NEGR1: variants seen among roughly 807,000 people sequenced by gnomAD.
The protein encoded by NEGR1 is IgLON family member 4.
A neutral mutation model predicts 40.9 loss-of-function variants in NEGR1; 10 were observed. That is an observed-to-expected ratio of 0.24 (90% CI 0.15 to 0.42). The LOEUF (loss-of-function observed/expected upper bound fraction) is 0.42. NEGR1 is among the 10% of genes least tolerant of loss of function. The pLI, the probability that NEGR1 is intolerant of heterozygous loss-of-function variation, is 1.00. For missense variants in NEGR1, 352 were observed against 438.9 expected, an observed-to-expected ratio of 0.80 and a Z score of 1.77; for synonymous variants, 185 against 166.8, an observed-to-expected ratio of 1.11 and a Z score of -0.84.
chr1:71,444,480 A>G (rs1646567876), intron 6 of NEGR1, among the ~76,000 whole-genome samples: 1 of 152,176 alleles, frequency 6.6e-6, no homozygotes, highest in Non-Finnish European at 1.5e-5. Flanking sequence ...ATGTCATGTC[A>G]ATATCCCATG....
chr1:71,942,009 T>G (rs1645963579), intron 1 of NEGR1, among the ~76,000 whole-genome samples: 1 of 151,678 alleles, frequency 6.6e-6, no homozygotes, highest in Non-Finnish European at 1.5e-5. Flanking sequence ...CAAAGTAATA[T>G]CAATAAAACA....
At chr1:71,674,981 T>G (rs1401862702) in intron 4 of NEGR1, among the ~76,000 whole-genome samples, 1 of 151,202 alleles carries the variant, frequency 6.6e-6, no homozygotes, top group Non-Finnish European at 1.5e-5. Context: ...CTTGTAACAT[T>G]CCAACACTGA....
chr1:72,070,007 T>C (rs1008621657), intron 1 of NEGR1, among the ~76,000 whole-genome samples: 1 of 152,134 alleles, frequency 6.6e-6, no homozygotes, highest in Non-Finnish European at 1.5e-5. Flanking sequence ...TTCTTAGTGA[T>C]GTGATGATTT....
At position 71,848,793 on chromosome 1, in the gene NEGR1, A is replaced by G. The variant is rs77450293; in HGVS notation, c.410-72496T>C. Among the ~76,000 whole-genome samples the G allele has an allele frequency of 1.0e-3, 158 of 152,270 alleles. 5 individuals are homozygous for G. In the East Asian group the frequency reaches 0.029, roughly 28 times the overall value. On this transcript the variant is annotated intron_variant, in intron 2 of 6. Coordinates refer to ENST00000357731, the MANE Select transcript of NEGR1 (RefSeq NM_173808.3). ...CAACTTTCAAGACTTACTATTTAAG[A>G]AATATATTTCATGGCCAGGTGCAGT...
chr1:71,783,203 T>G (rs926739794), intron 2 of NEGR1, among the ~76,000 whole-genome samples: 2 of 152,130 alleles, frequency 1.3e-5, no homozygotes, highest in Non-Finnish European at 2.9e-5. Flanking sequence ...TTGGCTTTTT[T>G]GCACTCCCAT....
At chr1:72,006,929 T>A (rs974682613) in intron 1 of NEGR1, among the ~76,000 whole-genome samples, 1 of 152,116 alleles carries the variant, frequency 6.6e-6, no homozygotes, top group Non-Finnish European at 1.5e-5. Context: ...AAGTGAGAGA[T>A]CACGGTCAAA....
At chr1:72,233,109 G>T (rs1484014831) in intron 1 of NEGR1, among the ~76,000 whole-genome samples, 1 of 151,978 alleles carries the variant, frequency 6.6e-6, no homozygotes, top group Non-Finnish European at 1.5e-5. Context: ...ACAGAGAAAG[G>T]TAATACAGCT....
intron 6 of NEGR1, among the ~76,000 whole-genome samples, chr1:71,543,021 T>C (rs1017515862): frequency 1.3e-5 from 2 of 151,738 alleles, no homozygotes; most frequent in African/African-American, 4.8e-5. Context: ...TATGTATATA[T>C]GACATGAAAA....
chr1:71,637,672 T>C (rs1651200964), intron 4 of NEGR1, among the ~76,000 whole-genome samples: 1 of 151,840 alleles, frequency 6.6e-6, no homozygotes, highest in South Asian at 2.1e-4. Context: ...ATATATACTA[T>C]GTATATATTT....
chr1:71,587,563 GT>G (rs1413671231), intron 6 of NEGR1, among the ~76,000 whole-genome samples: 1 of 152,062 alleles, frequency 6.6e-6, no homozygotes, highest in Non-Finnish European at 1.5e-5. Context: ...GGAAAAGACA[GT>G]TTTGATCGGT....
chr1:71,845,730 TCTATCTACCTAC>T (rs1210984476), intron 2 of NEGR1, among the ~76,000 whole-genome samples: 3 of 151,340 alleles, frequency 2.0e-5, no homozygotes, highest in Admixed American at 6.6e-5. Context: ...TATCTATCTA[TCTATCTACCTAC>T]CTACCTACCT....
chr1:71,786,293 G>A (rs999849012), intron 2 of NEGR1, among the ~76,000 whole-genome samples: 3 of 151,912 alleles, frequency 2.0e-5, no homozygotes, highest in Non-Finnish European at 4.4e-5. Flanking sequence ...TTATTCATAT[G>A]TTTATATAGA....
At chr1:72,273,437 A>T (rs1171249052) in intron 1 of NEGR1, among the ~76,000 whole-genome samples, 1 of 152,022 alleles carries the variant, frequency 6.6e-6, no homozygotes, top group Non-Finnish European at 1.5e-5. Flanking sequence ...TATAATTGTC[A>T]AGGGCAAAAG....
At chr1:72,001,850 G>T (rs574320176) in intron 1 of NEGR1, among the ~76,000 whole-genome samples, 1 of 151,790 alleles carries the variant, frequency 6.6e-6, no homozygotes, top group Non-Finnish European at 1.5e-5. Context: ...GTATACTCTT[G>T]ATTCACTTAA....
intron 4 of NEGR1, among the ~76,000 whole-genome samples, chr1:71,612,567 G>A (rs1426161401): frequency 6.6e-6 from 1 of 152,124 alleles, no homozygotes; most frequent in Non-Finnish European, 1.5e-5. Context: ...TCACAAATAA[G>A]TAGTTTAAAT....
At chr1:72,166,616 T>A (rs1651774774) in intron 1 of NEGR1, among the ~76,000 whole-genome samples, 1 of 152,078 alleles carries the variant, frequency 6.6e-6, no homozygotes, top group African/African-American at 2.4e-5. Flanking sequence ...AAGGAAATTC[T>A]GTCATTTCCT....
chr1:72,214,933 C>T (rs894414953), intron 1 of NEGR1, among the ~76,000 whole-genome samples: 1 of 150,716 alleles, frequency 6.6e-6, no homozygotes, highest in East Asian at 2.0e-4. Flanking sequence ...GCAAAAAGAA[C>T]AAAACTGGAG....
chr1:72,250,713 C>T (rs1655058455), intron 1 of NEGR1, among the ~76,000 whole-genome samples: 1 of 152,050 alleles, frequency 6.6e-6, no homozygotes, highest in African/African-American at 2.4e-5. Context: ...CCATTTTTAT[C>T]AATATCTTAA....
At chr1:71,449,664 G>A (rs1486147228) in intron 6 of NEGR1, among the ~76,000 whole-genome samples, 2 of 152,124 alleles carry the variant, frequency 1.3e-5, no homozygotes, top group Admixed American at 6.5e-5. Flanking sequence ...AGAATTCCAT[G>A]TACATTATAT....
Sources: allele counts gnomAD v4.1 joint callset (sites outside exome capture counted in the v4.1 genomes callset), GRCh38; gene constraint gnomAD v4.1.1; transcripts MANE v1.5; gene names NCBI Gene and HGNC (gene_info 2026-07-23, HGNC 2026-07-21).